The following ANKS3 variants were observed in gnomAD, a reference collection of about 807,000 sequenced individuals.
ANKS3 encodes ankyrin repeat and sterile alpha motif domain containing 3.
In ANKS3, 62 loss-of-function variants were observed where a neutral mutation model predicts 80.7. That is an observed-to-expected ratio of 0.77 (90% CI 0.63 to 0.95). The LOEUF (loss-of-function observed/expected upper bound fraction) is 0.95. ANKS3 is among the 40% of genes least tolerant of loss of function. The probability of loss-of-function intolerance (pLI) is 0.00; values close to 1 mark genes in which losing one functional copy is unlikely to be tolerated. For missense variants in ANKS3, 1,150 were observed against 883.6 expected (o/e 1.30, Z -3.82); for synonymous variants, 489 against 355.3 (o/e 1.38, Z -4.23).
intron 6 of ANKS3, among the ~76,000 whole-genome samples, chr16:4,724,131 T>C (rs1231566579): frequency 6.6e-6 from 1 of 152,180 alleles, no homozygotes; most frequent in Non-Finnish European, 1.5e-5. Context: ...TAAAGCTATG[T>C]GTAAAAGGAT....
chr16:4,717,181 G>C (rs1157713396), intron 6 of ANKS3, among the ~76,000 whole-genome samples: 1 of 152,120 alleles, frequency 6.6e-6, no homozygotes, highest in African/African-American at 2.4e-5. Context: ...GGTGGAAGTT[G>C]CAATGAGCCA....
At chr16:4,705,596 C>T (rs2080142289) in intron 7 of ANKS3, among the ~76,000 whole-genome samples, 1 of 151,950 alleles carries the variant, frequency 6.6e-6, no homozygotes, top group Admixed American at 6.6e-5. Flanking sequence ...TTCCAAGTAG[C>T]TGCGGTTACA....
intron 6 of ANKS3, among the ~76,000 whole-genome samples, chr16:4,714,990 C>CAAAAAAAAAAAAAAAA (rs753327026): frequency 3.3e-4 from 12 of 36,626 alleles, no homozygotes; most frequent in African/African-American, 1.8e-3. Context: ...GACTCTGTCT[C>CAAAAAAAAAAAAAAAA]AAAAAAAAAA....
At chr16:4,727,445 A>T in intron 3 of ANKS3, 1 of 535,704 alleles carries the variant, frequency 1.9e-6, no homozygotes, top group East Asian at 3.3e-5. Flanking sequence ...TCACACCACC[A>T]GATAGGCAGA....
intron 2 of ANKS3, among the ~76,000 whole-genome samples, chr16:4,730,507 T>A (rs9926003): frequency 0.045 from 6,901 of 152,200 alleles, 494 homozygotes; most frequent in African/African-American, 0.16. Flanking sequence ...AAATGCTAAT[T>A]GGGTTGTTTA....
intron 6 of ANKS3, among the ~76,000 whole-genome samples, chr16:4,716,709 G>A (rs1323664479): frequency 6.6e-6 from 1 of 151,962 alleles, no homozygotes; most frequent in Non-Finnish European, 1.5e-5. Flanking sequence ...TAGGTCATGA[G>A]TTCGAGACCA....
intron 6 of ANKS3, among the ~76,000 whole-genome samples, chr16:4,722,900 T>G (rs1315414033): frequency 6.8e-6 from 1 of 147,898 alleles, no homozygotes; most frequent in Non-Finnish European, 1.5e-5. Flanking sequence ...CCTTCCAGCC[T>G]GGGCGACACA....
chr16:4,708,516 A>G (rs1270469975), intron 7 of ANKS3, among the ~76,000 whole-genome samples: 1 of 152,226 alleles, frequency 6.6e-6, no homozygotes, highest in Admixed American at 6.5e-5. Flanking sequence ...ACAACAAAGT[A>G]AGCCAAATAA....
At chr16:4,712,749 T>A (rs957632195) in intron 7 of ANKS3, among the ~76,000 whole-genome samples, 16 of 152,082 alleles carry the variant, frequency 1.1e-4, no homozygotes, top group African/African-American at 3.6e-4. Context: ...AGGACCAAGG[T>A]AAGGAGGCTC....
At chr16:4,732,697 A>AAC in intron 1 of ANKS3, among the ~76,000 whole-genome samples, 1 of 151,660 alleles carries the variant, frequency 6.6e-6, no homozygotes, top group Admixed American at 6.6e-5. Flanking sequence ...AAACAAAAAA[A>AAC]AAACACTAAA....
intron 7 of ANKS3, among the ~76,000 whole-genome samples, chr16:4,709,121 T>C (rs997969350): frequency 6.6e-6 from 1 of 150,838 alleles, no homozygotes; most frequent in African/African-American, 2.4e-5. Flanking sequence ...ATAGAAGAAA[T>C]TTTTGCCGGG....
In ANKS3 at chr16:4,698,590, C is replaced by T. The variant is rs752321568; in HGVS notation, c.1561G>A (p.Glu521Lys). The T allele has an allele frequency of 3.8e-6, 6 of 1,563,640 alleles. No homozygotes were observed. In the South Asian group the frequency reaches 7.0e-5, roughly 18 times the overall value. The change falls in exon 14 of 18, where the codon GAG becomes AAG. Residue 521 changes from glutamate (E) to lysine (K), a missense_variant. By Grantham distance (56) the Glu-to-Lys change is moderately conservative. Transcript: ENST00000304283. ...ACCTGGCCCCGCGTGGCCTCTACCT[C>T]CTCGCAGCGCTGCAGGGGGGTGGGG... ...LAIQLHKRCEEVEATRGQVCQ... is the reference protein window; with the variant it reads ...LAIQLHKRCEKVEATRGQVCQ...
chr16:4,717,219 G>A (rs548821004), intron 6 of ANKS3, among the ~76,000 whole-genome samples: 28 of 151,946 alleles, frequency 1.8e-4, no homozygotes, highest in Non-Finnish European at 3.7e-4. Flanking sequence ...ACCAGCCTGG[G>A]CAACAGACGA....
In ANKS3 at chr16:4,726,800, G is replaced by C; in HGVS notation, c.370-20C>G. 6.2e-7 allele frequency: 1 copy of C among 1,609,604 alleles called. No individual in the cohort carries two copies. Among genetic ancestry groups the C allele is most frequent in the Non-Finnish European group, 8.5e-7 (1 of 1,176,554 alleles). On this transcript the variant is annotated intron_variant, in intron 4 of 17. Transcript: ENST00000304283. ...ACCTTGCTTCAAGAGAACACAGAAC[G>C]TGCGTTACGGCCTCATCTCCTCTGC... is the stretch of plus-strand genomic sequence containing the variant.
In ANKS3 at chr16:4,722,874, C is replaced by T. The variant is rs185952008; in HGVS notation, c.573+1876G>A. Among the ~76,000 whole-genome samples the T allele has an allele frequency of 4.6e-3, 698 of 150,574 alleles. 6 individuals are homozygous for T. The highest frequency in any genetic ancestry group is 0.016 in the African/African-American group (658 of 40,976). Reference sequence around the variant, plus strand: ...TAGAGGTTGCAGTGAGCCGAGATCACGCCACTGCACTCCAGCCTTCCAGCC... The same window carrying T: ...TAGAGGTTGCAGTGAGCCGAGATCATGCCACTGCACTCCAGCCTTCCAGCC... On this transcript the variant is annotated intron_variant, in intron 6 of 17. Coordinates refer to ENST00000304283, the MANE Select transcript of ANKS3 (RefSeq NM_133450.4).
At chr16:4,722,268 T>C (rs376519343) in intron 6 of ANKS3, among the ~76,000 whole-genome samples, 1 of 151,266 alleles carries the variant, frequency 6.6e-6, no homozygotes, top group East Asian at 1.9e-4. Context: ...GCAATAAACA[T>C]AGACAGCTCG....
chr16:4,699,260 T>C (rs1479919044), intron 11 of ANKS3, 84 bp from the exon 12 acceptor site: 4 of 1,521,808 alleles, frequency 2.6e-6, no homozygotes, highest in Non-Finnish European at 3.5e-6. Flanking sequence ...GCCCCACCAC[T>C]TCCCCAGGCT....
At chr16:4,714,789 T>A (rs150432571) in intron 6 of ANKS3, among the ~76,000 whole-genome samples, 742 of 150,732 alleles carry the variant, frequency 4.9e-3, no homozygotes, top group Admixed American at 7.4e-3. Flanking sequence ...GTCAGGAGAT[T>A]GAGACCATCC....
intron 6 of ANKS3, among the ~76,000 whole-genome samples, chr16:4,717,155 T>C (rs1023610011): frequency 3.3e-5 from 5 of 151,222 alleles, no homozygotes; most frequent in Non-Finnish European, 5.9e-5. Context: ...GGAAGGAGAA[T>C]TGCCTGAGTC....
Sources: allele counts gnomAD v4.1 joint callset (sites outside exome capture counted in the v4.1 genomes callset), GRCh38; gene constraint gnomAD v4.1.1; transcripts MANE v1.5; gene names NCBI Gene and HGNC (gene_info 2026-07-23, HGNC 2026-07-21).